ARSB: variants seen among roughly 807,000 people sequenced by gnomAD.
ARSB encodes arylsulfatase B.
Under a neutral mutation model 50.9 loss-of-function variants are expected in ARSB, and 41 were observed. The ratio of observed to expected loss-of-function variants is 0.81; its 90% CI spans 0.63 to 1.04. The LOEUF (loss-of-function observed/expected upper bound fraction) is 1.04, where lower values mean the gene tolerates loss of function less well. Ranked by LOEUF, ARSB falls within the 50% of genes least tolerant of loss-of-function variation. The probability of loss-of-function intolerance (pLI) is 0.00; values close to 1 mark genes in which losing one functional copy is unlikely to be tolerated. For synonymous variants in ARSB, 269 were observed against 284.8 expected, an observed-to-expected ratio of 0.94 and a Z score of 0.56; for missense variants, 672 against 693.3, an observed-to-expected ratio of 0.97 and a Z score of 0.35.
intron 5 of ARSB, among the ~76,000 whole-genome samples, chr5:78,852,541 T>C (rs1426330157): frequency 5.9e-5 from 9 of 152,098 alleles, no homozygotes; most frequent in Non-Finnish European, 1.0e-4. Context: ...TGTCTTGGAG[T>C]TGCTCTTCTC....
intron 4 of ARSB, among the ~76,000 whole-genome samples, chr5:78,892,518 A>G (rs1479660271): frequency 6.6e-6 from 1 of 151,900 alleles, no homozygotes. Context: ...GGCTTCCCAT[A>G]GTGCTGGGAT....
rs1561421221 is a variant in ARSB, at chr5:78,780,483, G to A, written c.1516C>T (p.His506Tyr). The change falls in exon 8 of 8, where the codon CAT (histidine) becomes TAT (tyrosine). Residue 506 changes from histidine (H) to tyrosine (Y), a missense_variant. His to Tyr is a moderately conservative substitution (Grantham distance 83). Coordinates refer to ENST00000264914, the MANE Select transcript of ARSB (RefSeq NM_000046.5). ...TKLLSRLQFYHKHSVPVYFPA... is the reference protein window; with the variant it reads ...TKLLSRLQFYYKHSVPVYFPA... The stretch of plus-strand genomic sequence containing the variant: ...AAGTACACGGGGACTGAGTGTTTAT[G>A]GTAGAACTGTAGGCGGGACAGGAGC... The A allele has an allele frequency of 6.2e-7, 1 of 1,614,142 alleles. No homozygotes were observed.
intron 5 of ARSB, among the ~76,000 whole-genome samples, chr5:78,868,701 C>A (rs1469525196): frequency 1.4e-5 from 2 of 145,722 alleles, no homozygotes; most frequent in Admixed American, 1.4e-4. Flanking sequence ...CCAGCCGCTG[C>A]AAAATCATGC....
intron 4 of ARSB, among the ~76,000 whole-genome samples, chr5:78,890,494 G>T (rs1438235093): frequency 2.6e-5 from 4 of 152,090 alleles, no homozygotes; most frequent in Non-Finnish European, 5.9e-5. Flanking sequence ...CTTTAAAACA[G>T]CTTTCCAATC....
chr5:78,827,180 A>C (rs540298438), intron 6 of ARSB, among the ~76,000 whole-genome samples: 1 of 152,250 alleles, frequency 6.6e-6, no homozygotes, highest in East Asian at 1.9e-4. Flanking sequence ...AGACCACTAA[A>C]CTAGTTATAA....
At chr5:78,910,588 G>A (rs555155629) in intron 4 of ARSB, among the ~76,000 whole-genome samples, 2 of 152,236 alleles carry the variant, frequency 1.3e-5, no homozygotes, top group South Asian at 4.2e-4. Flanking sequence ...CAGAAAAGAA[G>A]ATGAAAACTT....
At chr5:78,876,396 T>C (rs1369677582) in intron 5 of ARSB, among the ~76,000 whole-genome samples, 1 of 152,228 alleles carries the variant, frequency 6.6e-6, no homozygotes, top group Non-Finnish European at 1.5e-5. Flanking sequence ...TTAGATTTAC[T>C]TAACCCTCTT....
intron 5 of ARSB, among the ~76,000 whole-genome samples, chr5:78,859,688 T>C (rs931840347): frequency 1.3e-5 from 2 of 152,056 alleles, no homozygotes; most frequent in African/African-American, 4.8e-5. Flanking sequence ...CTCCATCGAA[T>C]GATGGGACTC....
At chr5:78,911,228 G>C (rs1187864195) in intron 4 of ARSB, among the ~76,000 whole-genome samples, 1 of 152,040 alleles carries the variant, frequency 6.6e-6, no homozygotes, top group Non-Finnish European at 1.5e-5. Flanking sequence ...AGGATGAAAA[G>C]GTATGTCAAA....
intron 1 of ARSB, among the ~76,000 whole-genome samples, chr5:78,977,619 G>T (rs1331355418): frequency 6.6e-6 from 1 of 152,192 alleles, no homozygotes; most frequent in Non-Finnish European, 1.5e-5. Context: ...AATGGTGATC[G>T]ACTGAAAGCT....
intron 5 of ARSB, among the ~76,000 whole-genome samples, chr5:78,860,613 G>A (rs1469567396): frequency 6.6e-6 from 1 of 152,210 alleles, no homozygotes; most frequent in East Asian, 1.9e-4. Context: ...TTAAAGCACT[G>A]TGTAGAGGGA....
chr5:78,911,316 T>C (rs1734975750), intron 4 of ARSB, among the ~76,000 whole-genome samples: 1 of 151,966 alleles, frequency 6.6e-6, no homozygotes, highest in African/African-American at 2.4e-5. Flanking sequence ...ATTATAGAAT[T>C]ACTTGGGCAC....
In ARSB at chr5:78,941,136, T is replaced by C. The variant is rs577591101; in HGVS notation, c.898+14159A>G. On this transcript the variant is annotated intron_variant, in intron 4 of 7. Coordinates refer to ENST00000264914, the MANE Select transcript of ARSB (RefSeq NM_000046.5). The stretch of plus-strand genomic sequence containing the variant: ...TTGTGATTTTTGTATATTGATTTTG[T>C]ATCCTGAGACTTTGCTGAAGTTGCT... Among the ~76,000 whole-genome samples the C allele has an allele frequency of 3.3e-4, 50 of 151,084 alleles. No individual in the cohort carries two copies. The East Asian group carries it at 8.1e-3, about 25-fold the overall frequency.
intron 6 of ARSB, among the ~76,000 whole-genome samples, chr5:78,801,936 T>C (rs925792435): frequency 6.6e-6 from 1 of 152,114 alleles, no homozygotes; most frequent in African/African-American, 2.4e-5. Flanking sequence ...TGTTCGAATG[T>C]CAGTTTTGGT....
chr5:78,803,706 A>G (rs1427453582), intron 6 of ARSB, among the ~76,000 whole-genome samples: 2 of 152,242 alleles, frequency 1.3e-5, no homozygotes, highest in African/African-American at 4.8e-5. Flanking sequence ...TCCAGCCCAG[A>G]GCCCTTGCAG....
rs11440743 is a variant in ARSB at position 78,913,121 on chromosome 5, CTT to C, written c.899-27296_899-27295del. On this transcript the variant is annotated intron_variant, in intron 4 of 7. Transcript: ENST00000264914. ...GCTTTTAAAATGTAGTTTTAATTCG[CTT>C]TTTTTTTTTTTTTCTTTTGTTGAGA... is the stretch of plus-strand genomic sequence containing the variant. Among the ~76,000 whole-genome samples the C allele has an allele frequency of 1.6e-3, 218 of 140,088 alleles. 1 individual carries two copies. In the East Asian group the frequency reaches 0.016, roughly 10 times the overall value. 91.9% of individuals were successfully genotyped at this position (140,088 alleles called of 152,430 possible). A position where few individuals can be genotyped will look rare whatever the true frequency, so the allele number is the denominator to read the frequency against.
chr5:78,898,192 C>T (rs944418271), intron 4 of ARSB, among the ~76,000 whole-genome samples: 1 of 152,068 alleles, frequency 6.6e-6, no homozygotes, highest in Non-Finnish European at 1.5e-5. Context: ...CGCTTGAACC[C>T]GGGAGGCAAA....
intron 5 of ARSB, among the ~76,000 whole-genome samples, chr5:78,851,866 G>T (rs1745811243): frequency 6.6e-6 from 1 of 151,970 alleles, no homozygotes. Context: ...TGTTTTATCA[G>T]AGACTAGGAT....
At chr5:78,969,383 T>C (rs1350798596) in intron 1 of ARSB, among the ~76,000 whole-genome samples, 191 bp from the exon 2 acceptor site, 3 of 152,136 alleles carry the variant, frequency 2.0e-5, no homozygotes, top group African/African-American at 7.2e-5. Context: ...ATAAACAGGA[T>C]TTGAAAGACA....
Sources: allele counts gnomAD v4.1 joint callset (sites outside exome capture counted in the v4.1 genomes callset), GRCh38; gene constraint gnomAD v4.1.1; transcripts MANE v1.5; gene names NCBI Gene and HGNC (gene_info 2026-07-23, HGNC 2026-07-21).